TSPAN9: variants seen among roughly 807,000 people sequenced by gnomAD.
TSPAN9 encodes tetraspanin 9.
Under a neutral mutation model 31.0 loss-of-function variants are expected in TSPAN9, and 16 were observed. The ratio of observed to expected loss-of-function variants is 0.52; its 90% CI spans 0.35 to 0.78. The LOEUF is 0.78. TSPAN9 is among the 30% of genes least tolerant of loss of function. TSPAN9 has a pLI of 0.01. For missense variants in TSPAN9, 272 were observed against 312.5 expected, an observed-to-expected ratio of 0.87 and a Z score of 0.98; for synonymous variants, 145 against 121.6, an observed-to-expected ratio of 1.19 and a Z score of -1.27.
At chr12:3,212,778 G>A (rs1007981546) in intron 3 of TSPAN9, among the ~76,000 whole-genome samples, 4 of 152,174 alleles carry the variant, frequency 2.6e-5, no homozygotes, top group Non-Finnish European at 5.9e-5. Context: ...AGCAAGGGGG[G>A]CCTAGTGTCT....
At chr12:3,131,125 T>A (rs1226331953) in intron 2 of TSPAN9, among the ~76,000 whole-genome samples, 1 of 91,636 alleles carries the variant, frequency 1.1e-5, no homozygotes, top group East Asian at 3.1e-4. Flanking sequence ...TCTCCACTTT[T>A]GGGGAAAAAA....
At chr12:3,089,315 T>TTTTTTTTTTTTTTTTTTTTGTCCCCCAG in intron 2 of TSPAN9, among the ~76,000 whole-genome samples, 1 of 146,570 alleles carries the variant, frequency 6.8e-6, no homozygotes, top group Non-Finnish European at 1.5e-5. Context: ...TTTTTTTTTT[T>TTTTTTTTTTTTTTTTTTTTGTCCCCCAG]GAGACAAGTC....
intron 2 of TSPAN9, among the ~76,000 whole-genome samples, chr12:3,174,700 A>G (rs1025449584): frequency 2.6e-5 from 4 of 151,432 alleles, no homozygotes; most frequent in Non-Finnish European, 4.4e-5. Flanking sequence ...CTCCTGCCTC[A>G]GCCTCCCGAG....
At chr12:3,230,872 C>T (rs1385499091) in intron 3 of TSPAN9, among the ~76,000 whole-genome samples, 1 of 152,120 alleles carries the variant, frequency 6.6e-6, no homozygotes, top group Admixed American at 6.5e-5. Flanking sequence ...TGCAGGACTC[C>T]CTGGGGCCTC....
rs151114198 is a variant in TSPAN9, at chr12:3,145,699, TC to T, written c.-17-55477del. Among the ~76,000 whole-genome samples the T allele has an allele frequency of 5.3e-4, 80 of 152,350 alleles. No individual in the cohort carries two copies. In the East Asian group the frequency reaches 0.014, roughly 28 times the overall value. On this transcript the variant is annotated intron_variant, in intron 2 of 8. Transcript: ENST00000011898. ...TCCTGTCCTGCTCATTCCTCATTTT[TC>T]TGTCCAGATGGCTGGGGGAAGGCGT...
At chr12:3,240,086 A>G (rs945900723) in intron 3 of TSPAN9, among the ~76,000 whole-genome samples, 1 of 151,986 alleles carries the variant, frequency 6.6e-6, no homozygotes, top group African/African-American at 2.4e-5. Flanking sequence ...AATAAAGCAC[A>G]TAATGTAGAG....
rs533227487 is a variant in TSPAN9 at position 3,230,974 on chromosome 12, G to A, written c.63+29718G>A. On this transcript the variant is annotated intron_variant, in intron 3 of 8. Transcript: ENST00000011898. ...GGAGATAGGGTTGGGAGCTGGGGGC[G>A]GGGGTGTATGCTATAAAGGGCCCAG... 7.2e-5 allele frequency among the ~76,000 whole-genome samples: 11 copies of A among 152,282 alleles called. No individual in the cohort carries two copies. In the East Asian group the frequency reaches 1.2e-3, roughly 16 times the overall value.
chr12:3,212,444 T>G (rs4766073), intron 3 of TSPAN9, among the ~76,000 whole-genome samples: 81,258 of 151,826 alleles, frequency 0.54, 22,529 homozygotes, highest in Middle Eastern at 0.68. Flanking sequence ...ATTTTTTAAA[T>G]TTTTAAATTT....
intron 3 of TSPAN9, among the ~76,000 whole-genome samples, chr12:3,241,766 C>T (rs370041802): frequency 4.6e-4 from 70 of 152,252 alleles, no homozygotes; most frequent in African/African-American, 1.7e-3. Context: ...GCTGGGGAGG[C>T]GGCTGGGCAC....
intron 2 of TSPAN9, among the ~76,000 whole-genome samples, chr12:3,165,008 G>C (rs2098347550): frequency 6.6e-6 from 1 of 152,208 alleles, no homozygotes; most frequent in Non-Finnish European, 1.5e-5. Context: ...CTTTGGTTGG[G>C]AGGAAAGAGG....
intron 3 of TSPAN9, among the ~76,000 whole-genome samples, chr12:3,239,604 A>G (rs536553196): frequency 5.3e-5 from 8 of 152,216 alleles, no homozygotes; most frequent in Non-Finnish European, 1.0e-4. Flanking sequence ...TTTTAGAAGT[A>G]GAAAGTCTCT....
At position 3,192,443 on chromosome 12, in the gene TSPAN9, G is replaced by A. The variant is rs892758187; in HGVS notation, c.-17-8734G>A. ...CAGGTGCAGGGAGGCTCTGCGGCTT[G>A]GACTTGTGTTTGCTTCGAGGTGGGA... On this transcript the variant is annotated intron_variant, in intron 2 of 8. Transcript: ENST00000011898. The surrounding 1 kb of genome is among the most constrained non-coding windows in gnomAD (Gnocchi z 4.6). Among the ~76,000 whole-genome samples, 6 of 152,176 alleles carry A rather than the reference G, an allele frequency of 3.9e-5. No homozygotes were observed. Among genetic ancestry groups the A allele is most frequent in the African/African-American group, 1.4e-4 (6 of 41,436 alleles).
chr12:3,085,171 C>G (rs2153962118), intron 2 of TSPAN9, among the ~76,000 whole-genome samples: 1 of 151,450 alleles, frequency 6.6e-6, no homozygotes, highest in East Asian at 1.9e-4. Context: ...CAAGACTAGA[C>G]TGGGCAATAT....
At chr12:3,226,738 G>A (rs1283437171) in intron 3 of TSPAN9, among the ~76,000 whole-genome samples, 4 of 10,576 alleles carry the variant, frequency 3.8e-4, no homozygotes, top group Non-Finnish European at 3.3e-4. Context: ...GTGTGTGTGT[G>A]TGTGTGTATA....
intron 3 of TSPAN9, among the ~76,000 whole-genome samples, chr12:3,207,589 C>T (rs1040842639): frequency 1.3e-5 from 2 of 152,212 alleles, no homozygotes; most frequent in Non-Finnish European, 2.9e-5. Flanking sequence ...AACCTCTTCT[C>T]ACTTAGTGAG....
chr12:3,234,589 C>T (rs1056547332), intron 3 of TSPAN9, among the ~76,000 whole-genome samples: 1 of 152,200 alleles, frequency 6.6e-6, no homozygotes, highest in African/African-American at 2.4e-5. Flanking sequence ...GAGGCTGAGA[C>T]ACCTGTTTTG....
At chr12:3,183,199 T>G (rs796521722) in intron 2 of TSPAN9, among the ~76,000 whole-genome samples, 3 of 152,314 alleles carry the variant, frequency 2.0e-5, no homozygotes, top group South Asian at 4.1e-4. Flanking sequence ...TCATGCTGCT[T>G]CTTCCTTTCC....
chr12:3,119,747 A>G (rs2098324211), intron 2 of TSPAN9, among the ~76,000 whole-genome samples: 1 of 152,080 alleles, frequency 6.6e-6, no homozygotes, highest in Non-Finnish European at 1.5e-5. Flanking sequence ...GGTGAGAGAA[A>G]CCTGTGCTGA....
intron 3 of TSPAN9, among the ~76,000 whole-genome samples, chr12:3,257,223 G>A (rs1862363645): frequency 1.3e-5 from 2 of 151,780 alleles, no homozygotes; most frequent in East Asian, 1.9e-4. Flanking sequence ...AGTAAGGGTG[G>A]GTTTCTAGTC....
Sources: gnomAD v4.1 joint callset for allele counts (sites outside exome capture counted in the v4.1 genomes callset) on GRCh38, gnomAD v4.1.1 for gene constraint, Gnocchi (gnomAD v3.1) non-coding constraint, MANE v1.5 for transcripts, NCBI Gene and HGNC (gene_info 2026-07-23, HGNC 2026-07-21) for gene names.